The following HPS4 variants were observed in gnomAD, a reference collection of about 807,000 sequenced individuals.
The protein encoded by HPS4 is HPS4 biogenesis of lysosomal organelles complex 3 subunit 2.
Under a neutral mutation model 70.3 loss-of-function variants are expected in HPS4, and 44 were observed. That is an observed-to-expected ratio of 0.63 (90% confidence interval 0.49 to 0.80). The LOEUF (loss-of-function observed/expected upper bound fraction) is 0.80, where lower values mean the gene tolerates loss of function less well. Ranked by LOEUF, HPS4 falls within the 30% of genes least tolerant of loss-of-function variation. HPS4 has a pLI of 0.00. For missense variants in HPS4, 873 were observed against 884.4 expected, an observed-to-expected ratio of 0.99 and a Z score of 0.16; for synonymous variants, 377 against 355.9, an observed-to-expected ratio of 1.06 and a Z score of -0.67.
intron 11 of HPS4, among the ~76,000 whole-genome samples, chr22:26,463,546 A>G (rs990454327): frequency 6.6e-6 from 1 of 152,346 alleles, no homozygotes; most frequent in Middle Eastern, 3.4e-3. Context: ...GAGTTAGCCA[A>G]GGCTCAAGGG....
In HPS4 at chr22:26,464,458, T is replaced by C. The variant is rs1019595949; in HGVS notation, c.1172A>G (p.His391Arg). ...EMASGHFAFL[H>R]VPVPDGRAPY... ...AGCCCTGCCATCTGGAACAGGCACA[T>C]GTAGGAAGGCAAAATGACCTGAGGC... is the stretch of plus-strand genomic sequence containing the variant. Residue 391 changes from histidine to arginine, a missense_variant, in exon 11 of 14, where the codon CAT becomes CGT. Transcript: ENST00000398145. The C allele has an allele frequency of 1.4e-5, 23 of 1,614,028 alleles. No individual in the cohort carries two copies. In the African/African-American group the frequency reaches 1.7e-4, roughly 12 times the overall value.
At chr22:26,465,814 CAAG>C (rs1411565335) in intron 9 of HPS4, 22 of 560,654 alleles carry the variant, frequency 3.9e-5, no homozygotes, top group Middle Eastern at 9.4e-4. Flanking sequence ...AGCACTTTTA[CAAG>C]AAGAAGATAT....
chr22:26,465,683 G>C (rs2088432697), intron 9 of HPS4, 132 bp from the exon 10 acceptor site: 2 of 741,368 alleles, frequency 2.7e-6, no homozygotes, highest in Non-Finnish European at 4.6e-6. Flanking sequence ...GCATTCCTCA[G>C]CCAGGACACA....
At chr22:26,470,640 AC>A (rs1421829030) in intron 7 of HPS4, 78 bp downstream of exon 7, 1 of 1,399,620 alleles carries the variant, frequency 7.1e-7, no homozygotes, top group Non-Finnish European at 1.0e-6. Context: ...TGGGCTCCCC[AC>A]TGTGATCTGG....
At position 26,465,548 on chromosome 22, in the gene HPS4, G is replaced by C. The variant is rs77597168; in HGVS notation, c.710C>G (p.Ala237Gly). 12 of 1,612,814 alleles carry C rather than the reference G, an allele frequency of 7.4e-6. No individual in the cohort carries two copies. Among genetic ancestry groups the C allele is most frequent in the Non-Finnish European group, 1.0e-5 (12 of 1,179,080 alleles). ...AATCTGGACATTCGGGGGCAATGCC[G>C]CTCCTGGAATTGCAAAGCAATATGA... ...TGEDAPQEHG[A>G]ALPPNVQIIP... The change falls in exon 10 of 14, where the codon GCG becomes GGG. Residue 237 changes from alanine to glycine, a missense_variant. Coordinates refer to ENST00000398145, the MANE Select transcript of HPS4 (RefSeq NM_022081.6).
downstream of HPS4, among the ~76,000 whole-genome samples, chr22:26,446,464 G>A (rs528699671): frequency 1.2e-4 from 18 of 152,292 alleles, no homozygotes; most frequent in African/African-American, 3.9e-4. Context: ...CCGGGAACTT[G>A]TCGGAAACCC....
chr22:26,462,126 C>CA (rs10711513), intron 11 of HPS4, among the ~76,000 whole-genome samples: 1,580 of 136,944 alleles, frequency 0.012, 10 homozygotes, highest in Middle Eastern at 0.019. Context: ...AACTCCATCT[C>CA]AAAAAAAAAA....
chr22:26,461,447 A>G (rs755446714), intron 11 of HPS4, among the ~76,000 whole-genome samples: 1 of 151,928 alleles, frequency 6.6e-6, no homozygotes, highest in Non-Finnish European at 1.5e-5. Flanking sequence ...TCCAGCCCCA[A>G]TCCCAACCCT....
chr22:26,452,004 G>GCACACACA lies in HPS4; in HGVS notation c.*1221_*1228dup, dbSNP rs134978. On this transcript the variant is annotated 3_prime_UTR_variant, in exon 14 of 14. Transcript: ENST00000398145. ...CCACGTTACGCGCGCGCGCGCGCGC[G>GCACACACA]CACACACACACACACACACACACAC... The GCACACACA allele has an allele frequency of 5.7e-5, 6 of 106,152 alleles. No individual in the cohort carries two copies. Among genetic ancestry groups the GCACACACA allele is most frequent in the East Asian group, 4.6e-4 (2 of 4,348 alleles). The allele number at this position is 106,152 out of a possible 1,614,324, so 6.6% of individuals were successfully genotyped here.
chr22:26,451,657 G>A lies in HPS4; in HGVS notation c.*1576C>T, dbSNP rs886057297. Reference sequence around the variant, plus strand: ...CTGGGGACCACTGGTCAAAGACAACGTGAGACATTGCGGGGACTTCCTGGA... The same window carrying A: ...CTGGGGACCACTGGTCAAAGACAACATGAGACATTGCGGGGACTTCCTGGA... On this transcript the variant is annotated 3_prime_UTR_variant, in exon 14 of 14. Coordinates refer to ENST00000398145, the MANE Select transcript of HPS4 (RefSeq NM_022081.6). The A allele has an allele frequency of 3.3e-5, 5 of 152,294 alleles. No homozygotes were observed. Among genetic ancestry groups the A allele is most frequent in the Admixed American group, 6.5e-5 (1 of 15,280 alleles). 9.4% of individuals were successfully genotyped at this position (152,294 alleles called of 1,614,324 possible). A position where few individuals can be genotyped will look rare whatever the true frequency, so the allele number is the denominator to read the frequency against.
chr22:26,463,932 T>A lies in HPS4; in HGVS notation c.1698A>T (p.Ala566=), dbSNP rs768513194. The change falls in exon 11 of 14, where the codon GCA becomes GCT. Residue 566 remains alanine, a synonymous_variant. Transcript: ENST00000398145. ...LAEEPLLGDS[A]AIEEVYHSSL... is the part of the protein sequence containing the mutation. Reference sequence around the variant, plus strand: ...GGACACTCACCACTTCCTCTATGGCTGCGCTGTCTCCCAGCAGCGGCTCCT... The same window carrying A: ...GGACACTCACCACTTCCTCTATGGCAGCGCTGTCTCCCAGCAGCGGCTCCT... 6.2e-7 allele frequency: 1 copy of A among 1,613,466 alleles called. No homozygotes were observed. The highest frequency in any genetic ancestry group is 8.5e-7 in the Non-Finnish European group (1 of 1,180,022).
intron 8 of HPS4, chr22:26,467,769 C>T (rs2088948767): frequency 6.6e-6 from 1 of 152,126 alleles, no homozygotes. Context: ...CTGGCAGTGG[C>T]TATCCCTGTA....
intron 13 of HPS4, among the ~76,000 whole-genome samples, chr22:26,455,705 C>T (rs1214034321): frequency 2.6e-5 from 4 of 150,976 alleles, no homozygotes; most frequent in African/African-American, 4.9e-5. Flanking sequence ...ACGTTGTGCA[C>T]AGCACATGTA....
At chr22:26,477,439 GCA>G (rs1304532811) in intron 3 of HPS4, among the ~76,000 whole-genome samples, 2 of 152,142 alleles carry the variant, frequency 1.3e-5, no homozygotes, top group African/African-American at 4.8e-5. Flanking sequence ...TGCGATGACT[GCA>G]CAGAACCGCA....
chr22:26,481,279 G>C (rs1292200519), intron 2 of HPS4, among the ~76,000 whole-genome samples: 1 of 152,050 alleles, frequency 6.6e-6, no homozygotes, highest in Non-Finnish European at 1.5e-5. Context: ...ACCTAATTAT[G>C]GGAAAGGATT....
At position 26,459,684 on chromosome 22, in the gene HPS4, A is replaced by G. The variant is rs141834238; in HGVS notation, c.1714-1107T>C. 1.6e-3 allele frequency among the ~76,000 whole-genome samples: 249 copies of G among 152,318 alleles called. 3 individuals carry two copies. The highest frequency in any genetic ancestry group is 6.8e-3 in the Middle Eastern group (2 of 294). ...CCAAGTTCAGCCTCTTTTTAGTCAA[A>G]TGACCAGGAGCAAGTTACCAAGTTT... On this transcript the variant is annotated intron_variant, in intron 11 of 13. Transcript: ENST00000398145.
intron 6 of HPS4, among the ~76,000 whole-genome samples, chr22:26,471,909 C>T (rs567823267): frequency 3.3e-5 from 5 of 152,246 alleles, no homozygotes; most frequent in African/African-American, 1.2e-4. Context: ...AAGACAGCAA[C>T]CTTGTTTTTG....
In HPS4 at chr22:26,464,175, C is replaced by G; in HGVS notation, c.1455G>C (p.Thr485=). Residue 485 remains threonine (T), a synonymous_variant, in exon 11 of 14, where the codon ACG becomes ACC. Coordinates refer to ENST00000398145, the MANE Select transcript of HPS4 (RefSeq NM_022081.6). ...DPGQRGNKLP[T]GEQGLDEDVD... ...CATCCTCATCCAGGCCTTGTTCCCC[C>G]GTGGGAAGCTTGTTTCCTCTCTGTC... The G allele has an allele frequency of 2.5e-6, 4 of 1,614,220 alleles. No homozygotes were observed. Among genetic ancestry groups the G allele is most frequent in the Non-Finnish European group, 3.4e-6 (4 of 1,180,046 alleles).
intron 11 of HPS4, among the ~76,000 whole-genome samples, chr22:26,462,126 C>CAA (rs10711513): frequency 2.3e-4 from 32 of 137,020 alleles, no homozygotes; most frequent in African/African-American, 6.3e-4. Flanking sequence ...AACTCCATCT[C>CAA]AAAAAAAAAA....
Sources: gnomAD v4.1 joint callset for allele counts (sites outside exome capture counted in the v4.1 genomes callset) on GRCh38, gnomAD v4.1.1 for gene constraint, MANE v1.5 for transcripts, NCBI Gene and HGNC (gene_info 2026-07-23, HGNC 2026-07-21) for gene names.